The following EPHA6 variants were observed in gnomAD, a reference collection of about 807,000 sequenced individuals.
The protein encoded by EPHA6 is ephrin type-A receptor 6.
In EPHA6, 50 loss-of-function variants were observed where a neutral mutation model predicts 112.0. The observed-to-expected ratio is 0.45, with a 90% CI of 0.36 to 0.56. The LOEUF (loss-of-function observed/expected upper bound fraction) is 0.56. EPHA6 is among the 20% of genes least tolerant of loss of function. The pLI is 0.00. For synonymous variants in EPHA6, 529 were observed against 490.7 expected, an observed-to-expected ratio of 1.08 and a Z score of -1.03; for missense variants, 1,280 against 1,417.4, an observed-to-expected ratio of 0.90 and a Z score of 1.56.
chr3:97,168,567 TTCTCTCTGTCTC>T (rs911890765), intron 3 of EPHA6, among the ~76,000 whole-genome samples: 6 of 148,856 alleles, frequency 4.0e-5, no homozygotes, highest in Non-Finnish European at 8.9e-5. Context: ...TTCTCTCTCT[TTCTCTCTGTCTC>T]TCTCTCTCTC....
intron 5 of EPHA6, among the ~76,000 whole-genome samples, chr3:97,253,884 G>T (rs983505439): frequency 1.3e-5 from 2 of 151,886 alleles, no homozygotes; most frequent in African/African-American, 4.8e-5. Context: ...TATTTATTTA[G>T]TAGCTATGCC....
At chr3:97,662,781 G>A (rs1054658513) in intron 14 of EPHA6, among the ~76,000 whole-genome samples, 1 of 152,156 alleles carries the variant, frequency 6.6e-6, no homozygotes, top group African/African-American at 2.4e-5. Flanking sequence ...AATAAAGTAC[G>A]CTGTATCCAA....
intron 7 of EPHA6, among the ~76,000 whole-genome samples, chr3:97,469,747 C>T (rs188140510): frequency 2.6e-5 from 4 of 151,664 alleles, no homozygotes; most frequent in Non-Finnish European, 5.9e-5. Flanking sequence ...ACTTTCTAGG[C>T]AATGGGAAAT....
rs182253202 is a variant in EPHA6, at chr3:97,402,540, T to G, written c.1607-2610T>G. 2.0e-3 allele frequency among the ~76,000 whole-genome samples: 306 copies of G among 152,260 alleles called. 2 individuals carry two copies. The highest frequency in any genetic ancestry group is 6.8e-3 in the Middle Eastern group (2 of 294). ...GTCTATTTGTGTCTTTACAGTGAAATGAGTTTCTTGTAAACAGTACATAGT... is the reference window on the plus strand; with the variant it reads ...GTCTATTTGTGTCTTTACAGTGAAAGGAGTTTCTTGTAAACAGTACATAGT... On this transcript the variant is annotated intron_variant, in intron 5 of 17. Transcript: ENST00000389672.
chr3:97,716,473 C>T (rs2034232936), intron 14 of EPHA6, among the ~76,000 whole-genome samples: 1 of 136,492 alleles, frequency 7.3e-6, no homozygotes, highest in East Asian at 2.0e-4. Context: ...GAGGCTGAGG[C>T]AGGAGAATGG....
At chr3:97,685,571 C>T (rs1428357400) in intron 14 of EPHA6, among the ~76,000 whole-genome samples, 1 of 152,102 alleles carries the variant, frequency 6.6e-6, no homozygotes, top group African/African-American at 2.4e-5. Context: ...TGAAATATCT[C>T]CAGTCACTGT....
At chr3:97,573,853 A>G (rs1290642537) in intron 11 of EPHA6, among the ~76,000 whole-genome samples, 3 of 152,152 alleles carry the variant, frequency 2.0e-5, no homozygotes, top group East Asian at 1.9e-4. Flanking sequence ...TTTCCTGAAG[A>G]CAAATTTTGT....
intron 3 of EPHA6, among the ~76,000 whole-genome samples, chr3:97,068,165 G>GAAAAAAAAAAAAAAAAAAAAA (rs75312712): frequency 1.4e-5 from 1 of 69,626 alleles, no homozygotes. Flanking sequence ...AAAAAAAAAA[G>GAAAAAAAAAAAAAAAAAAAAA]AAAAAAAAAA....
At chr3:96,854,179 CTT>C (rs781751530) in intron 1 of EPHA6, among the ~76,000 whole-genome samples, 4,131 of 131,088 alleles carry the variant, frequency 0.032, 57 homozygotes, top group Middle Eastern at 0.072. Flanking sequence ...TTAATCATGA[CTT>C]TTTTTTTTTT....
intron 3 of EPHA6, among the ~76,000 whole-genome samples, chr3:97,221,706 T>G (rs1211361573): frequency 6.6e-6 from 1 of 152,042 alleles, no homozygotes; most frequent in African/African-American, 2.4e-5. Context: ...CATTCACCAT[T>G]TATTTACCAT....
intron 13 of EPHA6, among the ~76,000 whole-genome samples, chr3:97,611,099 T>C (rs1362100592): frequency 6.6e-6 from 1 of 151,782 alleles, no homozygotes; most frequent in African/African-American, 2.4e-5. Context: ...TGTGTGTATA[T>C]ATATGTGTGT....
intron 3 of EPHA6, among the ~76,000 whole-genome samples, chr3:97,181,193 T>TC (rs1377966826): frequency 1.3e-5 from 2 of 151,996 alleles, no homozygotes; most frequent in African/African-American, 4.8e-5. Flanking sequence ...ATGTCCTTTC[T>TC]CCCCCAGTGT....
At chr3:97,370,698 C>T (rs1419929772) in intron 5 of EPHA6, among the ~76,000 whole-genome samples, 1 of 152,096 alleles carries the variant, frequency 6.6e-6, no homozygotes, top group East Asian at 1.9e-4. Flanking sequence ...CAATTTCATA[C>T]AGGATGACAA....
intron 5 of EPHA6, among the ~76,000 whole-genome samples, chr3:97,324,473 T>TTTCTTTC (rs1559884080): frequency 3.8e-4 from 27 of 71,256 alleles, no homozygotes; most frequent in African/African-American, 8.8e-4. Context: ...TTCTTTCTTT[T>TTTCTTTC]TCTTTCGTCT....
rs576708986 is a variant in EPHA6 at position 96,898,188 on chromosome 3, A to G, written c.450+31299A>G. Among the ~76,000 whole-genome samples the G allele has an allele frequency of 2.0e-5, 3 of 152,312 alleles. No homozygotes were observed. In the South Asian group the frequency reaches 6.2e-4, roughly 32 times the overall value. On this transcript the variant is annotated intron_variant, in intron 2 of 17. Coordinates refer to ENST00000389672, the MANE Select transcript of EPHA6 (RefSeq NM_001080448.3). ...CCCTTAACTGAGACAATGTCTGGTA[A>G]TGAAAGGCAACATTTACATATGTTG...
intron 5 of EPHA6, among the ~76,000 whole-genome samples, chr3:97,289,088 C>T (rs2080586682): frequency 6.6e-6 from 1 of 151,984 alleles, no homozygotes; most frequent in Non-Finnish European, 1.5e-5. Context: ...TTAGTTTAAT[C>T]AGGTCACAAG....
At chr3:97,159,463 G>T (rs567162967) in intron 3 of EPHA6, among the ~76,000 whole-genome samples, 1 of 152,068 alleles carries the variant, frequency 6.6e-6, no homozygotes, top group Non-Finnish European at 1.5e-5. Flanking sequence ...TTTCCTGCTG[G>T]GTCACTGGGA....
intron 11 of EPHA6, among the ~76,000 whole-genome samples, chr3:97,565,505 A>G (rs1276971036): frequency 6.6e-6 from 1 of 152,224 alleles, no homozygotes; most frequent in African/African-American, 2.4e-5. Context: ...TATTAGTATA[A>G]TAAAATATTG....
chr3:97,512,207 A>C (rs2092377433), intron 10 of EPHA6, among the ~76,000 whole-genome samples: 1 of 152,164 alleles, frequency 6.6e-6, no homozygotes, highest in Non-Finnish European at 1.5e-5. Flanking sequence ...GAGAATAAAT[A>C]AGATCACATT....
Sources: gnomAD v4.1 joint callset for allele counts (sites outside exome capture counted in the v4.1 genomes callset) on GRCh38, gnomAD v4.1.1 for gene constraint, MANE v1.5 for transcripts, NCBI Gene and HGNC (gene_info 2026-07-23, HGNC 2026-07-21) for gene names.